The following GASK1B variants were observed in gnomAD, a reference collection of about 807,000 sequenced individuals.
GASK1B encodes the protein golgi associated kinase 1B.
In GASK1B, 34 loss-of-function variants were observed where a neutral mutation model predicts 42.8. That is an observed-to-expected ratio of 0.79 (90% CI 0.60 to 1.06). The LOEUF (loss-of-function observed/expected upper bound fraction) is 1.06. Among genes scored for constraint, GASK1B ranks in the 50% least tolerant of loss-of-function variants. The probability of loss-of-function intolerance (pLI) is 0.00; values close to 1 mark genes in which losing one functional copy is unlikely to be tolerated. For synonymous variants in GASK1B, 262 were observed against 259.1 expected (o/e 1.01, Z -0.11); for missense variants, 686 against 661.0 (o/e 1.04, Z -0.42).
intron 2 of GASK1B, among the ~76,000 whole-genome samples, chr4:158,157,192 C>T (rs759069625): frequency 1.2e-4 from 19 of 152,066 alleles, no homozygotes; most frequent in Admixed American, 5.9e-4. Context: ...TCCCTTTAGC[C>T]TTGCAATGTA....
At chr4:158,154,871 G>A (rs1318822025) in intron 3 of GASK1B, among the ~76,000 whole-genome samples, 1 of 152,142 alleles carries the variant, frequency 6.6e-6, no homozygotes, top group Non-Finnish European at 1.5e-5. Context: ...AATGGGAGGA[G>A]AGTGAGGGAT....
chr4:158,132,348 G>A (rs569469641), intron 3 of GASK1B, among the ~76,000 whole-genome samples: 2 of 152,232 alleles, frequency 1.3e-5, no homozygotes, highest in Middle Eastern at 3.4e-3. Flanking sequence ...TGCTTAGAAA[G>A]GGATGCCGAA....
In GASK1B at chr4:158,169,192, C is replaced by T. The variant is rs528617800; in HGVS notation, c.910+1274G>A. The T allele has an allele frequency of 2.6e-5, 4 of 152,270 alleles. No individual in the cohort carries two copies. In the East Asian group the frequency reaches 7.7e-4, roughly 29 times the overall value. 9.4% of individuals were successfully genotyped at this position (152,270 alleles called of 1,614,324 possible). ...ACACATATGAATCAATTTGTATAAT[C>T]CTTAGCAAATTGTGGGCACCCAATA... On this transcript the variant is annotated intron_variant, in intron 2 of 4. Transcript: ENST00000585682.
At chr4:158,148,169 A>G (rs1446073749) in intron 3 of GASK1B, among the ~76,000 whole-genome samples, 1 of 152,140 alleles carries the variant, frequency 6.6e-6, no homozygotes, top group Admixed American at 6.6e-5. Flanking sequence ...AGTTATGATC[A>G]CACCACTGCA....
At chr4:158,143,223 A>G (rs966380326) in intron 3 of GASK1B, among the ~76,000 whole-genome samples, 8 of 152,210 alleles carry the variant, frequency 5.3e-5, no homozygotes, top group African/African-American at 1.9e-4. Flanking sequence ...TAGAGATTTA[A>G]CAAGATGGAT....
At chr4:158,153,023 T>G (rs1731616383) in intron 3 of GASK1B, among the ~76,000 whole-genome samples, 1 of 152,080 alleles carries the variant, frequency 6.6e-6, no homozygotes, top group African/African-American at 2.4e-5. Flanking sequence ...TAGAAAGAAA[T>G]AAAGGACATC....
In GASK1B at chr4:158,125,249, A is replaced by C. The variant is rs1343464752; in HGVS notation, c.*2158T>G. The C allele has an allele frequency of 6.6e-6, 1 of 152,222 alleles. No individual in the cohort carries two copies. Among genetic ancestry groups the C allele is most frequent in the Admixed American group, 6.5e-5 (1 of 15,268 alleles). The allele number at this position is 152,222 out of a possible 1,614,324, so 9.4% of individuals were successfully genotyped here. A position where few individuals can be genotyped will look rare whatever the true frequency, so the allele number is the denominator to read the frequency against. On this transcript the variant is annotated 3_prime_UTR_variant, in exon 5 of 5. Coordinates refer to ENST00000585682, the MANE Select transcript of GASK1B (RefSeq NM_001128424.2). The stretch of plus-strand genomic sequence containing the variant: ...ATGTTCCTGGGACTTTCATTTAATA[A>C]GCATTTTGGAATAACTGGAGGCAAA...
chr4:158,158,566 T>G (rs1043695834), intron 2 of GASK1B, among the ~76,000 whole-genome samples: 1 of 152,116 alleles, frequency 6.6e-6, no homozygotes, highest in African/African-American at 2.4e-5. Flanking sequence ...TTTTGTTTAA[T>G]TATTTTTAAA....
intron 2 of GASK1B, chr4:158,169,988 A>G: frequency 4.0e-6 from 2 of 503,874 alleles, no homozygotes; most frequent in Non-Finnish European, 7.0e-6. Flanking sequence ...TAAACCTAAC[A>G]TGGTCTGGCT....
intron 2 of GASK1B, among the ~76,000 whole-genome samples, chr4:158,166,225 C>A (rs2346321): frequency 6.6e-6 from 1 of 152,018 alleles, no homozygotes; most frequent in African/African-American, 2.4e-5. Flanking sequence ...AGTACAATAC[C>A]AGTAAGTCCA....
chr4:158,156,499 G>A (rs548636641), intron 2 of GASK1B, among the ~76,000 whole-genome samples: 1 of 152,122 alleles, frequency 6.6e-6, no homozygotes, highest in Admixed American at 6.5e-5. Context: ...CATGTTCATA[G>A]ATGATCTTTT....
At chr4:158,154,390 A>T (rs987071530) in intron 3 of GASK1B, among the ~76,000 whole-genome samples, 1 of 152,184 alleles carries the variant, frequency 6.6e-6, no homozygotes, top group Non-Finnish European at 1.5e-5. Flanking sequence ...GTGAAAAGGG[A>T]ACACTTTTGC....
In GASK1B at chr4:158,171,059, A is replaced by C. The variant is rs529523246; in HGVS notation, c.317T>G (p.Val106Gly). The change falls in exon 2 of 5, where the codon GTG (valine) becomes GGG (glycine). Residue 106 changes from valine (V) to glycine (G), a missense_variant. Transcript: ENST00000585682. ...QGNGSTLQPN[V>G]VYITLRSKRS... ...CTTGGAGCGTAGGGTAATGTACACC[A>C]CATTGGGCTGCAGAGTGGACCCATT... 70 of 1,612,706 alleles carry C rather than the reference A, an allele frequency of 4.3e-5. 1 individual carries two copies. In the Admixed American group the frequency reaches 1.1e-3, roughly 26 times the overall value.
chr4:158,127,764 C>T (rs1187358085), intron 4 of GASK1B, 150 bp from the exon 5 acceptor site: 6 of 649,294 alleles, frequency 9.2e-6, no homozygotes, highest in Non-Finnish European at 1.6e-5. Context: ...GCCAAGATGA[C>T]ACTTCTCTTA....
At chr4:158,163,816 C>T (rs150677725) in intron 2 of GASK1B, among the ~76,000 whole-genome samples, 1 of 152,266 alleles carries the variant, frequency 6.6e-6, no homozygotes, top group East Asian at 1.9e-4. Flanking sequence ...CCCGTCCACA[C>T]CCCCAAACAC....
intron 3 of GASK1B, among the ~76,000 whole-genome samples, chr4:158,132,595 C>T (rs772047873): frequency 6.6e-6 from 1 of 152,156 alleles, no homozygotes; most frequent in Non-Finnish European, 1.5e-5. Flanking sequence ...TCTCTGTTTA[C>T]TGTATGTAAA....
chr4:158,130,675 C>T, intron 4 of GASK1B, 111 bp downstream of exon 4: 1 of 850,384 alleles, frequency 1.2e-6, no homozygotes, highest in East Asian at 2.7e-5. Flanking sequence ...TCCACATTCA[C>T]AATTATTTTC....
intron 2 of GASK1B, among the ~76,000 whole-genome samples, chr4:158,163,073 G>A (rs1732087525): frequency 6.6e-6 from 1 of 152,128 alleles, no homozygotes; most frequent in African/African-American, 2.4e-5. Flanking sequence ...ATAAGATAAT[G>A]GATGCAAACT....
chr4:158,156,587 A>G (rs935177502), intron 2 of GASK1B, among the ~76,000 whole-genome samples: 1 of 152,180 alleles, frequency 6.6e-6, no homozygotes, highest in Non-Finnish European at 1.5e-5. Flanking sequence ...AAACTTTACA[A>G]AGAATTATGA....
Sources: allele counts gnomAD v4.1 joint callset (sites outside exome capture counted in the v4.1 genomes callset), GRCh38; gene constraint gnomAD v4.1.1; transcripts MANE v1.5; gene names NCBI Gene and HGNC (gene_info 2026-07-23, HGNC 2026-07-21).